PARD6G: variants seen among roughly 807,000 people sequenced by gnomAD.
PARD6G encodes the protein partitioning defective 6 homolog gamma.
Under a neutral mutation model 10.7 loss-of-function variants are expected in PARD6G, and 7 were observed. The observed-to-expected ratio is 0.66, with a 90% CI of 0.37 to 1.23. The LOEUF (loss-of-function observed/expected upper bound fraction) is 1.23, where lower values mean the gene tolerates loss of function less well. Among genes scored for constraint, PARD6G ranks in the 50% most tolerant of loss-of-function variants. PARD6G has a pLI of 0.02. For missense variants in PARD6G, 548 were observed against 571.8 expected, an observed-to-expected ratio of 0.96 and a Z score of 0.42; for synonymous variants, 287 against 269.4, an observed-to-expected ratio of 1.07 and a Z score of -0.64.
Position 80,231,642 on chromosome 18 carries a change from C to A in PARD6G, c.72+15635G>T, listed in dbSNP as rs1235838552. 1.3e-5 allele frequency among the ~76,000 whole-genome samples: 2 copies of A among 152,148 alleles called. No individual in the cohort carries two copies. The highest frequency in any genetic ancestry group is 1.3e-4 in the Admixed American group (2 of 15,270). ...CCTTCATAAAATAGATAAAAACATTCATCCCAGGGTTGTGGTGAGACTCTA... is the reference window on the plus strand; with the variant it reads ...CCTTCATAAAATAGATAAAAACATTAATCCCAGGGTTGTGGTGAGACTCTA... On this transcript the variant is annotated intron_variant, in intron 1 of 2. Coordinates refer to ENST00000353265, the MANE Select transcript of PARD6G (RefSeq NM_032510.4). This position sits in a 1 kb window ranked among gnomAD's most constrained non-coding sequence, Gnocchi z 4.2.
At position 80,200,018 on chromosome 18, in the gene PARD6G, C is replaced by T. The variant is rs1052900696; in HGVS notation, c.295+2692G>A. ...TGTATTAGGAGAATGCTGACTTTTC[C>T]TCTGTGATAGTAAATTCCCTCTTAA... On this transcript the variant is annotated intron_variant, in intron 2 of 2. Coordinates refer to ENST00000353265, the MANE Select transcript of PARD6G (RefSeq NM_032510.4). The surrounding 1 kb of genome is among the most constrained non-coding windows in gnomAD (Gnocchi z 4.4). Among the ~76,000 whole-genome samples the T allele has an allele frequency of 6.6e-6, 1 of 152,164 alleles. No homozygotes were observed. Among genetic ancestry groups the T allele is most frequent in the Non-Finnish European group, 1.5e-5 (1 of 68,040 alleles).
At chr18:80,227,671 C>A (rs1012889922) in intron 1 of PARD6G, among the ~76,000 whole-genome samples, 1 of 152,252 alleles carries the variant, frequency 6.6e-6, no homozygotes, top group Non-Finnish European at 1.5e-5. Flanking sequence ...GTGTTCCACA[C>A]TGGCGACTGC....
rs1036144243 is a variant in PARD6G, at chr18:80,159,830, G to A, written c.1072C>T (p.His358Tyr). ...LLSSLRADPR[H>Y]SLALPPGGVE... ...CCGCCTGGCGGCAGCGCCAGGCTGTGACGGGGGTCGGCCCGCAGGGAGCTG... is the reference window on the plus strand; with the variant it reads ...CCGCCTGGCGGCAGCGCCAGGCTGTAACGGGGGTCGGCCCGCAGGGAGCTG... Residue 358 changes from histidine to tyrosine, a missense_variant, in exon 3 of 3, where the codon CAC becomes TAC. By Grantham distance (83) the His-to-Tyr change is moderately conservative. This residue lies in a region of PARD6G where 313 missense variants were observed against 279.9 expected (regional missense o/e 1.12). Transcript: ENST00000353265. The A allele has an allele frequency of 6.7e-6, 10 of 1,489,590 alleles. No individual in the cohort carries two copies. Among genetic ancestry groups the A allele is most frequent in the South Asian group, 2.6e-5 (2 of 76,232 alleles). 92.3% of individuals were successfully genotyped at this position (1,489,590 alleles called of 1,614,324 possible).
intron 2 of PARD6G, among the ~76,000 whole-genome samples, chr18:80,199,881 G>T (rs1189801795): frequency 6.6e-6 from 1 of 152,164 alleles, no homozygotes; most frequent in African/African-American, 2.4e-5. Context: ...CTGACCTCAA[G>T]TGATCCACCC....
chr18:80,229,258 A>G (rs991081574), intron 1 of PARD6G, among the ~76,000 whole-genome samples: 6 of 152,224 alleles, frequency 3.9e-5, no homozygotes, highest in African/African-American at 1.4e-4. Context: ...TTTGAAAAGG[A>G]TTTAAGGGCT....
intron 2 of PARD6G, among the ~76,000 whole-genome samples, chr18:80,199,767 A>C (rs1209457789): frequency 6.6e-6 from 1 of 152,056 alleles, no homozygotes; most frequent in African/African-American, 2.4e-5. Flanking sequence ...CCTCAGCCTC[A>C]CGAGTAGCTG....
chr18:80,202,062 A>T (rs1568436120), intron 2 of PARD6G: 1 of 152,346 alleles, frequency 6.6e-6, no homozygotes, highest in Non-Finnish European at 1.5e-5. Flanking sequence ...CAGTTATAAA[A>T]ATGCCATTTT....
rs369719474 is a variant in PARD6G at position 80,200,766 on chromosome 18, C to T, written c.295+1944G>A. On this transcript the variant is annotated intron_variant, in intron 2 of 2. Coordinates refer to ENST00000353265, the MANE Select transcript of PARD6G (RefSeq NM_032510.4). This position sits in a 1 kb window ranked among gnomAD's most constrained non-coding sequence, Gnocchi z 4.4. ...GCAAGCTGGAAAGAGGCAGAGTGTCCGAGCTGCTGCTGGAGGTTAGCACGT... is the reference window on the plus strand; with the variant it reads ...GCAAGCTGGAAAGAGGCAGAGTGTCTGAGCTGCTGCTGGAGGTTAGCACGT... Among the ~76,000 whole-genome samples the T allele has an allele frequency of 1.3e-5, 2 of 152,146 alleles. No homozygotes were observed. Among genetic ancestry groups the T allele is most frequent in the Non-Finnish European group, 2.9e-5 (2 of 68,034 alleles).
chr18:80,213,194 T>C (rs1967125999), intron 1 of PARD6G, among the ~76,000 whole-genome samples: 1 of 152,212 alleles, frequency 6.6e-6, no homozygotes, highest in Middle Eastern at 3.2e-3. Flanking sequence ...GAAGTTTACG[T>C]CTATTTTACC....
At chr18:80,168,517 T>C (rs2052751554) in intron 2 of PARD6G, among the ~76,000 whole-genome samples, 1 of 152,082 alleles carries the variant, frequency 6.6e-6, no homozygotes. Context: ...TCACATTTTT[T>C]AGGCAACTGT....
chr18:80,239,838 T>C (rs899478374), intron 1 of PARD6G, among the ~76,000 whole-genome samples: 8 of 152,004 alleles, frequency 5.3e-5, no homozygotes, highest in African/African-American at 1.9e-4. Context: ...AATGTATCAA[T>C]ACATTTTAAT....
rs951604007 is a variant in PARD6G at position 80,184,384 on chromosome 18, T to C, written c.295+18326A>G. 2 of 152,386 alleles carry C rather than the reference T, an allele frequency of 1.3e-5. No individual in the cohort carries two copies. The highest frequency in any genetic ancestry group is 1.5e-5 in the Non-Finnish European group (1 of 68,060). 9.4% of individuals were successfully genotyped at this position (152,386 alleles called of 1,614,324 possible). ...GGCCAGGAGGTGGAAACAACCCCGA[T>C]GTCCATCAACTGATGAACCAACCGA... is the stretch of plus-strand genomic sequence containing the variant. On this transcript the variant is annotated intron_variant, in intron 2 of 2. Transcript: ENST00000353265. This position sits in a 1 kb window ranked among gnomAD's most constrained non-coding sequence, Gnocchi z 4.5.
At chr18:80,239,850 G>T (rs1287290734) in intron 1 of PARD6G, among the ~76,000 whole-genome samples, 1 of 152,210 alleles carries the variant, frequency 6.6e-6, no homozygotes, top group African/African-American at 2.4e-5. Context: ...CATTTTAATT[G>T]GTAAAGAAAA....
chr18:80,206,942 T>A (rs1408062116), intron 1 of PARD6G, among the ~76,000 whole-genome samples: 3 of 151,702 alleles, frequency 2.0e-5, no homozygotes, highest in Non-Finnish European at 4.4e-5. Flanking sequence ...CTAGTGATTA[T>A]CAATAAATAC....
At position 80,246,083 on chromosome 18, in the gene PARD6G, C is replaced by T. The variant is rs1255142149; in HGVS notation, c.72+1194G>A. Among the ~76,000 whole-genome samples the T allele has an allele frequency of 6.6e-6, 1 of 152,072 alleles. No homozygotes were observed. Among genetic ancestry groups the T allele is most frequent in the Non-Finnish European group, 1.5e-5 (1 of 68,006 alleles). On this transcript the variant is annotated intron_variant, in intron 1 of 2. Coordinates refer to ENST00000353265, the MANE Select transcript of PARD6G (RefSeq NM_032510.4). This position sits in a 1 kb window ranked among gnomAD's most constrained non-coding sequence, Gnocchi z 6.7. ...AGCGAGAGGGGGCTGTTGGACTTGC[C>T]TCCCCAGAGACAGGGGAGGGAACAC...
At chr18:80,208,752 T>A (rs757933752) in intron 1 of PARD6G, among the ~76,000 whole-genome samples, 161 of 151,610 alleles carry the variant, frequency 1.1e-3, no homozygotes, top group Non-Finnish European at 1.4e-3. Context: ...AAAAAAAAAA[T>A]CAAATTTCCT....
chr18:80,237,955 T>C (rs1475736623), intron 1 of PARD6G, among the ~76,000 whole-genome samples: 3 of 152,104 alleles, frequency 2.0e-5, no homozygotes, highest in South Asian at 4.1e-4. Context: ...CTCAGGGATC[T>C]AGAACTAGAA....
chr18:80,225,446 T>C (rs1319225427), intron 1 of PARD6G, among the ~76,000 whole-genome samples: 2 of 152,132 alleles, frequency 1.3e-5, no homozygotes, highest in Non-Finnish European at 2.9e-5. Flanking sequence ...TTTAAGCCAC[T>C]TGGGAGATGT....
intron 2 of PARD6G, among the ~76,000 whole-genome samples, chr18:80,164,978 AAC>A (rs1481346561): frequency 1.3e-5 from 2 of 152,148 alleles, no homozygotes; most frequent in African/African-American, 4.8e-5. Flanking sequence ...GCATCCAACA[AAC>A]ACAAGGCAAA....
Sources: gnomAD v4.1 joint callset for allele counts (sites outside exome capture counted in the v4.1 genomes callset) on GRCh38, gnomAD v4.1.1 for gene constraint, gnomAD v4.1.1 regional missense constraint, Gnocchi (gnomAD v3.1) non-coding constraint, MANE v1.5 for transcripts, NCBI Gene and HGNC (gene_info 2026-07-23, HGNC 2026-07-21) for gene names.